PGM3: variants seen among roughly 807,000 people sequenced by gnomAD.
The protein encoded by PGM3 is phosphoglucomutase 3.
A neutral mutation model predicts 66.2 loss-of-function variants in PGM3; 40 were observed. The observed-to-expected ratio is 0.60, with a 90% confidence interval of 0.47 to 0.79. The LOEUF (loss-of-function observed/expected upper bound fraction) is 0.79. Among genes scored for constraint, PGM3 ranks in the 30% least tolerant of loss-of-function variants. PGM3 has a pLI of 0.00. For missense variants in PGM3, 537 were observed against 643.4 expected (o/e 0.83, Z 1.79); for synonymous variants, 191 against 224.2 (o/e 0.85, Z 1.32).
At chr6:83,186,464 C>T (rs761060410) in intron 4 of PGM3, among the ~76,000 whole-genome samples, 30 of 152,116 alleles carry the variant, frequency 2.0e-4, no homozygotes, top group Non-Finnish European at 3.7e-4. Context: ...GATCTCACAC[C>T]AGGAAAATAT....
chr6:83,177,641 C>T (rs1450645753), intron 8 of PGM3, among the ~76,000 whole-genome samples: 1 of 152,124 alleles, frequency 6.6e-6, no homozygotes, highest in Non-Finnish European at 1.5e-5. Context: ...CTTGACCAAA[C>T]TTTAGTTAGG....
At chr6:83,158,150 C>T (rs1783260812), downstream of PGM3, among the ~76,000 whole-genome samples, 1 of 152,024 alleles carries the variant, frequency 6.6e-6, no homozygotes, top group Admixed American at 6.6e-5. Flanking sequence ...AGGCACCTGC[C>T]ACCACACCCA....
chr6:83,153,964 C>A, the PGM3 span: 1 of 1,614,004 alleles, frequency 6.2e-7, no homozygotes, highest in South Asian at 1.1e-5. Flanking sequence ...TCAGTACACA[C>A]GGAGAGCTTG....
chr6:83,193,280 G>GT (rs2128515242), upstream of PGM3: 1 of 152,446 alleles, frequency 6.6e-6, no homozygotes, highest in African/African-American at 2.4e-5. Flanking sequence ...GTGGCCCTGC[G>GT]TGGCTTCCGG....
At chr6:83,150,701 ACT>A in the PGM3 span, among the ~76,000 whole-genome samples, 5 of 152,238 alleles carry the variant, frequency 3.3e-5, no homozygotes. Flanking sequence ...TATTGAGTAG[ACT>A]CTTAGCAAAT....
chr6:83,190,738 C>A, intron 2 of PGM3, 71 bp downstream of exon 2: 2 of 1,182,162 alleles, frequency 1.7e-6, no homozygotes, highest in South Asian at 1.3e-5. Flanking sequence ...TACTTTAGGT[C>A]AATTTGCTCA....
chr6:83,166,181 TATTG>T lies in PGM3; in HGVS notation c.*3049_*3052del, dbSNP rs1224742784. The T allele has an allele frequency of 2.0e-6, 1 of 507,090 alleles. No individual in the cohort carries two copies. The highest frequency in any genetic ancestry group is 3.5e-6 in the Non-Finnish European group (1 of 288,482). 31.4% of individuals were successfully genotyped at this position (507,090 alleles called of 1,614,324 possible). A position where few individuals can be genotyped will look rare whatever the true frequency, so the allele number is the denominator to read the frequency against. On this transcript the variant is annotated 3_prime_UTR_variant, in exon 13 of 13. Transcript: ENST00000513973. ...TCACTCAGCTCATGAGGCACCCATT[TATTG>T]AGCTTTTTCACCTTTTCAATTTGCT...
Position 83,182,920 on chromosome 6 carries a change from AC to A in PGM3, c.515del (p.Gly172ValfsTer9). 1.2e-6 allele frequency: 2 copies of A among 1,613,974 alleles called. No individual in the cohort carries two copies. The highest frequency in any genetic ancestry group is 1.7e-6 in the Non-Finnish European group (2 of 1,179,888). On this transcript the variant is annotated frameshift_variant, in exon 5 of 13. Transcript: ENST00000513973. LOFTEE classifies it high-confidence loss of function. ...LHYMVYCRNTGGRYGKATIEG... is the reference protein window; with the variant it reads ...LHYMVYCRNTXGRYGKATIEG... Reference sequence around the variant, plus strand: ...CTATAGTTGCCTTTCCATATCGGCCACCCGTGTTTCGACAATACACCATGTA... The same window carrying A: ...CTATAGTTGCCTTTCCATATCGGCCACCGTGTTTCGACAATACACCATGTA...
Position 83,167,415 on chromosome 6 carries a change from G to A in PGM3, c.*1819C>T. 2 of 980,672 alleles carry A rather than the reference G, an allele frequency of 2.0e-6. No individual in the cohort carries two copies. The highest frequency in any genetic ancestry group is 2.4e-6 in the Non-Finnish European group (2 of 825,506). The allele number at this position is 980,672 out of a possible 1,614,324, so 60.7% of individuals were successfully genotyped here. On this transcript the variant is annotated 3_prime_UTR_variant, in exon 13 of 13. Coordinates refer to ENST00000513973, the MANE Select transcript of PGM3 (RefSeq NM_015599.3). ...CAAATTTAGGCCATTTAGATAAAAGGGAATTAACTAATTATAATAAAAGGG... is the reference window on the plus strand; with the variant it reads ...CAAATTTAGGCCATTTAGATAAAAGAGAATTAACTAATTATAATAAAAGGG...
chr6:83,180,230 G>A (rs1788079369), intron 6 of PGM3, among the ~76,000 whole-genome samples: 1 of 152,020 alleles, frequency 6.6e-6, no homozygotes, highest in African/African-American at 2.4e-5. Context: ...GGTTGGTTTG[G>A]CTAGACAGGT....
Position 83,167,121 on chromosome 6 carries a change from C to A in PGM3, c.*2113G>T, listed in dbSNP as rs1054390053. 3 of 962,654 alleles carry A rather than the reference C, an allele frequency of 3.1e-6. No individual in the cohort carries two copies. The highest frequency in any genetic ancestry group is 3.7e-6 in the Non-Finnish European group (3 of 809,416). The allele number at this position is 962,654 out of a possible 1,614,324, so 59.6% of individuals were successfully genotyped here. ...ATTTAGTTGACAGAGTTTTCACATA[C>A]CTTCTCATTTGACTTCTCTACTAAA... is the stretch of plus-strand genomic sequence containing the variant. On this transcript the variant is annotated 3_prime_UTR_variant, in exon 13 of 13. Transcript: ENST00000513973.
chr6:83,180,002 C>T, intron 6 of PGM3, 35 bp from the exon 7 acceptor site: 2 of 1,508,288 alleles, frequency 1.3e-6, no homozygotes, highest in Non-Finnish European at 1.8e-6. Context: ...GCATTTCAGT[C>T]TAAGAATTTA....
chr6:83,177,528 TAA>T (rs1221690669), intron 8 of PGM3, among the ~76,000 whole-genome samples: 2 of 152,188 alleles, frequency 1.3e-5, no homozygotes, highest in African/African-American at 2.4e-5. Flanking sequence ...GCTAATTTGC[TAA>T]GAGATAGCAA....
At chr6:83,158,309 C>T (rs1783325153), downstream of PGM3, among the ~76,000 whole-genome samples, 1 of 152,008 alleles carries the variant, frequency 6.6e-6, no homozygotes, top group Admixed American at 6.6e-5. Flanking sequence ...CCTATTTTTC[C>T]TTTTTTAATA....
At chr6:83,155,166 G>T in the PGM3 span, among the ~76,000 whole-genome samples, 2 of 152,034 alleles carry the variant, frequency 1.3e-5, no homozygotes, top group Non-Finnish European at 2.9e-5. Context: ...TAGGGAACAA[G>T]AATTACAAAG....
At chr6:83,191,958 CAAAAAAAAAA>C (rs1219337174) in intron 1 of PGM3, among the ~76,000 whole-genome samples, 2 of 39,364 alleles carry the variant, frequency 5.1e-5, no homozygotes, top group Non-Finnish European at 9.3e-5. Flanking sequence ...GACTCGGTCT[CAAAAAAAAAA>C]AAAAAAAAAA....
chr6:83,165,860 T>C lies in PGM3; in HGVS notation c.*3374A>G. ...CAGGCATTGCAGTTTTTGGTGCATC[T>C]CATTGATTTGCTGAGCATACTTATC... On this transcript the variant is annotated 3_prime_UTR_variant, in exon 13 of 13. Transcript: ENST00000513973. 2.8e-6 allele frequency: 1 copy of C among 351,248 alleles called. No homozygotes were observed. The highest frequency in any genetic ancestry group is 2.4e-5 in the South Asian group (1 of 40,850). 21.8% of individuals were successfully genotyped at this position (351,248 alleles called of 1,614,324 possible).
chr6:83,167,323 T>C lies in PGM3; in HGVS notation c.*1911A>G. The C allele has an allele frequency of 1.0e-6, 1 of 985,522 alleles. No individual in the cohort carries two copies. Among genetic ancestry groups the C allele is most frequent in the African/African-American group, 1.7e-5 (1 of 57,354 alleles). 61.0% of individuals were successfully genotyped at this position (985,522 alleles called of 1,614,324 possible). A position where few individuals can be genotyped will look rare whatever the true frequency, so the allele number is the denominator to read the frequency against. Reference sequence around the variant, plus strand: ...GGAGACAGCAGTGTCTCCTGAGGGATCCCTTCCTTTCTCTGTGATGCAGTA... The same window carrying C: ...GGAGACAGCAGTGTCTCCTGAGGGACCCCTTCCTTTCTCTGTGATGCAGTA... On this transcript the variant is annotated 3_prime_UTR_variant, in exon 13 of 13. Transcript: ENST00000513973.
intron 10 of PGM3, among the ~76,000 whole-genome samples, chr6:83,173,293 T>TAAC (rs1384419764): frequency 2.0e-5 from 3 of 148,508 alleles, no homozygotes; most frequent in Non-Finnish European, 4.5e-5. Flanking sequence ...ATGAAAGGTA[T>TAAC]AACAAAGAAT....
Sources: gnomAD v4.1 joint callset for allele counts (sites outside exome capture counted in the v4.1 genomes callset) on GRCh38, gnomAD v4.1.1 for gene constraint, MANE v1.5 for transcripts, NCBI Gene and HGNC (gene_info 2026-07-23, HGNC 2026-07-21) for gene names.